RNF150: variants seen among roughly 807,000 people sequenced by gnomAD.
RNF150 encodes ring finger protein 150.
In RNF150, 24 loss-of-function variants were observed where a neutral mutation model predicts 39.3. The observed-to-expected ratio is 0.61, with a 90% CI of 0.44 to 0.86. The LOEUF (loss-of-function observed/expected upper bound fraction) is 0.86, where lower values mean the gene tolerates loss of function less well. Among genes scored for constraint, RNF150 ranks in the 40% least tolerant of loss-of-function variants. The pLI is 0.00. For missense variants in RNF150, 502 were observed against 587.8 expected (o/e 0.85, Z 1.51); for synonymous variants, 255 against 227.3 (o/e 1.12, Z -1.10).
chr4:140,879,831 A>G (rs1387709765), intron 6 of RNF150, among the ~76,000 whole-genome samples: 1 of 152,332 alleles, frequency 6.6e-6, no homozygotes, highest in Admixed American at 6.5e-5. Flanking sequence ...AAAGAAAAAA[A>G]AAATTTGCAC....
At chr4:140,964,123 A>G (rs559493649) in intron 2 of RNF150, among the ~76,000 whole-genome samples, 10 of 152,276 alleles carry the variant, frequency 6.6e-5, no homozygotes, top group African/African-American at 2.2e-4. Context: ...TGAAAGCAGT[A>G]AGTTATCCCT....
chr4:141,085,318 C>T (rs1196393759), intron 1 of RNF150, among the ~76,000 whole-genome samples: 2 of 152,196 alleles, frequency 1.3e-5, no homozygotes, highest in Non-Finnish European at 2.9e-5. Flanking sequence ...CCTCCCACGA[C>T]ATGTGGGCAT....
intron 1 of RNF150, among the ~76,000 whole-genome samples, chr4:141,140,454 G>A (rs946053529): frequency 2.0e-5 from 3 of 152,124 alleles, no homozygotes; most frequent in Non-Finnish European, 2.9e-5. Context: ...TTTGAGACTT[G>A]AGCCAAAACC....
chr4:141,165,739 T>C (rs1434785110), intron 1 of RNF150, among the ~76,000 whole-genome samples: 2 of 152,062 alleles, frequency 1.3e-5, no homozygotes, highest in African/African-American at 2.4e-5. Flanking sequence ...AAATAAGTTC[T>C]TGGAAGCCAA....
At chr4:140,892,637 G>C (rs1729793154) in intron 6 of RNF150, among the ~76,000 whole-genome samples, 1 of 151,218 alleles carries the variant, frequency 6.6e-6, no homozygotes, top group South Asian at 2.1e-4. Flanking sequence ...CCAGAAAGTG[G>C]GTTAGGGAGT....
intron 1 of RNF150, among the ~76,000 whole-genome samples, chr4:141,078,809 ATATATAT>A (rs1387778917): frequency 1.3e-3 from 71 of 56,372 alleles, no homozygotes; most frequent in East Asian, 5.3e-3. Flanking sequence ...AAAAAAAAAA[ATATATAT>A]ATATATATAT....
intron 1 of RNF150, among the ~76,000 whole-genome samples, chr4:141,065,394 T>C (rs1737413453): frequency 6.6e-6 from 1 of 152,128 alleles, no homozygotes; most frequent in Non-Finnish European, 1.5e-5. Flanking sequence ...TGTTTCTGAC[T>C]CTACTAAAAA....
chr4:140,868,701 T>C (rs1456526676), intron 6 of RNF150, among the ~76,000 whole-genome samples: 1 of 152,186 alleles, frequency 6.6e-6, no homozygotes, highest in East Asian at 1.9e-4. Flanking sequence ...TTGTTACATA[T>C]GCGTAACATT....
chr4:141,031,615 A>T (rs1168583759), intron 1 of RNF150, among the ~76,000 whole-genome samples: 1 of 152,182 alleles, frequency 6.6e-6, no homozygotes, highest in Non-Finnish European at 1.5e-5. Flanking sequence ...TATTTCACAA[A>T]GACAGATATG....
At chr4:140,981,718 T>C (rs1733865653) in intron 1 of RNF150, among the ~76,000 whole-genome samples, 1 of 152,186 alleles carries the variant, frequency 6.6e-6, no homozygotes, top group Non-Finnish European at 1.5e-5. Flanking sequence ...CCTGTGATGC[T>C]GTGTTTTGTT....
At chr4:141,202,380 C>G (rs1021719215) in intron 1 of RNF150, among the ~76,000 whole-genome samples, 2 of 151,978 alleles carry the variant, frequency 1.3e-5, no homozygotes, top group Non-Finnish European at 2.9e-5. Context: ...GCTGAGTTCA[C>G]CAAAACATCT....
chr4:141,013,681 T>TA (rs1452576515), intron 1 of RNF150, among the ~76,000 whole-genome samples: 8 of 152,322 alleles, frequency 5.3e-5, no homozygotes, highest in Admixed American at 3.3e-4. Context: ...CTGAATTATT[T>TA]AAAAAATTAT....
chr4:140,976,983 C>A (rs117120355), intron 1 of RNF150, among the ~76,000 whole-genome samples: 2 of 151,952 alleles, frequency 1.3e-5, no homozygotes, highest in Non-Finnish European at 2.9e-5. Flanking sequence ...TATGTCTCTC[C>A]GGGAACCTCC....
intron 1 of RNF150, among the ~76,000 whole-genome samples, chr4:141,120,559 G>A (rs1271440758): frequency 1.3e-5 from 2 of 152,140 alleles, no homozygotes; most frequent in South Asian, 2.1e-4. Context: ...TAGATGAATG[G>A]CTACTAGACT....
At chr4:140,994,223 C>A (rs1443948072) in intron 1 of RNF150, among the ~76,000 whole-genome samples, 2 of 152,138 alleles carry the variant, frequency 1.3e-5, no homozygotes, top group African/African-American at 4.8e-5. Flanking sequence ...AACAGCTCAG[C>A]CAAATCCTGC....
intron 1 of RNF150, among the ~76,000 whole-genome samples, chr4:141,059,955 T>C (rs1349148978): frequency 6.6e-6 from 1 of 152,036 alleles, no homozygotes; most frequent in Non-Finnish European, 1.5e-5. Flanking sequence ...AAATTCTATC[T>C]CCAAATGAAT....
chr4:140,941,886 T>A (rs939899980), intron 4 of RNF150, among the ~76,000 whole-genome samples: 1 of 152,222 alleles, frequency 6.6e-6, no homozygotes, highest in Non-Finnish European at 1.5e-5. Context: ...GTTAGCCAAC[T>A]TTAATTTCAT....
chr4:141,012,646 G>T (rs559459975), intron 1 of RNF150, among the ~76,000 whole-genome samples: 1 of 151,778 alleles, frequency 6.6e-6, no homozygotes, highest in Non-Finnish European at 1.5e-5. Context: ...AGCCGGGAGT[G>T]GTGGCACGTG....
intron 1 of RNF150, among the ~76,000 whole-genome samples, chr4:141,143,161 C>T (rs532322184): frequency 1.8e-4 from 27 of 152,232 alleles, no homozygotes; most frequent in African/African-American, 6.0e-4. Flanking sequence ...TGAGCCACCG[C>T]GCCTGGTCAG....
Sources: allele counts gnomAD v4.1 joint callset (sites outside exome capture counted in the v4.1 genomes callset), GRCh38; gene constraint gnomAD v4.1.1; transcripts MANE v1.5; gene names NCBI Gene and HGNC (gene_info 2026-07-23, HGNC 2026-07-21).